The following CDH12 variants were observed in gnomAD, a reference collection of about 807,000 sequenced individuals.
CDH12 encodes cadherin-12.
In CDH12, 41 loss-of-function variants were observed where a neutral mutation model predicts 74.1. That is an observed-to-expected ratio of 0.55 (90% CI 0.43 to 0.72). The LOEUF (loss-of-function observed/expected upper bound fraction) is 0.72, where lower values mean the gene tolerates loss of function less well. Ranked by LOEUF, CDH12 falls within the 30% of genes least tolerant of loss-of-function variation. CDH12 has a pLI of 0.00. For missense variants in CDH12, 945 were observed against 977.2 expected, an observed-to-expected ratio of 0.97 and a Z score of 0.44; for synonymous variants, 399 against 355.0, an observed-to-expected ratio of 1.12 and a Z score of -1.39.
chr5:22,038,720 C>T (rs1361310558), intron 5 of CDH12, among the ~76,000 whole-genome samples: 2 of 152,084 alleles, frequency 1.3e-5, no homozygotes, highest in Non-Finnish European at 2.9e-5. Context: ...CAGTTGACAC[C>T]CAGAGAAGAC....
chr5:21,978,909 C>T (rs886708509), intron 5 of CDH12, among the ~76,000 whole-genome samples: 6 of 152,238 alleles, frequency 3.9e-5, no homozygotes, highest in African/African-American at 1.4e-4. Flanking sequence ...GATGAAACTG[C>T]TTTCTCAAAT....
intron 1 of CDH12, among the ~76,000 whole-genome samples, chr5:22,550,219 T>C (rs2134177): frequency 0.16 from 24,578 of 152,178 alleles, 2,555 homozygotes; most frequent in East Asian, 0.36. Context: ...GGTTCTTTGT[T>C]TTCTTCTCTA....
intron 1 of CDH12, among the ~76,000 whole-genome samples, chr5:22,718,730 C>A (rs1031963316): frequency 1.3e-5 from 2 of 152,018 alleles, no homozygotes; most frequent in African/African-American, 2.4e-5. Flanking sequence ...TAAAGGCCAG[C>A]GAGGCAGGCA....
At chr5:22,336,741 A>AG (rs1487262767) in intron 3 of CDH12, among the ~76,000 whole-genome samples, 1 of 152,236 alleles carries the variant, frequency 6.6e-6, no homozygotes, top group Admixed American at 6.5e-5. Flanking sequence ...AGTTTGCTGC[A>AG]GGGGTGGGGC....
intron 1 of CDH12, among the ~76,000 whole-genome samples, chr5:22,743,053 T>C (rs1745107622): frequency 6.6e-6 from 1 of 151,358 alleles, no homozygotes; most frequent in East Asian, 1.9e-4. Context: ...TTCCTCCTGC[T>C]CAACTGTATC....
chr5:22,219,879 C>T (rs1210501944), intron 3 of CDH12, among the ~76,000 whole-genome samples: 4 of 151,666 alleles, frequency 2.6e-5, no homozygotes, highest in East Asian at 1.9e-4. Context: ...AGTAGATACA[C>T]ACTAAGAAGA....
chr5:22,418,413 C>G (rs1743492237), intron 2 of CDH12, among the ~76,000 whole-genome samples: 1 of 152,180 alleles, frequency 6.6e-6, no homozygotes, highest in Non-Finnish European at 1.5e-5. Context: ...TTGACTTCCT[C>G]TCTTCCTATT....
At chr5:22,700,327 C>G (rs1204567086) in intron 1 of CDH12, among the ~76,000 whole-genome samples, 1 of 152,104 alleles carries the variant, frequency 6.6e-6, no homozygotes, top group Non-Finnish European at 1.5e-5. Flanking sequence ...TGCAGGTTGC[C>G]CACTGAACAT....
At chr5:22,747,371 C>G (rs2012198) in intron 1 of CDH12, among the ~76,000 whole-genome samples, 1 of 150,800 alleles carries the variant, frequency 6.6e-6, no homozygotes, top group African/African-American at 2.4e-5. Flanking sequence ...CACCTGTAAT[C>G]TGAGCAGTTT....
At chr5:22,306,220 A>C (rs1738104735) in intron 3 of CDH12, among the ~76,000 whole-genome samples, 1 of 152,236 alleles carries the variant, frequency 6.6e-6, no homozygotes, top group Admixed American at 6.5e-5. Flanking sequence ...CAAAAGCCTC[A>C]GCACATGGCC....
chr5:21,756,065 A>G (rs1491000850), intron 13 of CDH12, among the ~76,000 whole-genome samples: 1 of 152,190 alleles, frequency 6.6e-6, no homozygotes, highest in African/African-American at 2.4e-5. Flanking sequence ...TAAATTTTCT[A>G]TTCAGAAAGA....
At chr5:22,630,311 C>A (rs1738517747) in intron 1 of CDH12, among the ~76,000 whole-genome samples, 1 of 151,988 alleles carries the variant, frequency 6.6e-6, no homozygotes, top group African/African-American at 2.4e-5. Context: ...CCAAAGCAAT[C>A]CTAAGTAAAA....
chr5:22,150,226 G>C (rs948207175), intron 4 of CDH12, among the ~76,000 whole-genome samples: 4 of 151,638 alleles, frequency 2.6e-5, no homozygotes, highest in Admixed American at 2.0e-4. Context: ...TGTCTTCCTT[G>C]TCTGCTAACA....
At chr5:22,567,462 G>C (rs770903639) in intron 1 of CDH12, among the ~76,000 whole-genome samples, 1 of 152,166 alleles carries the variant, frequency 6.6e-6, no homozygotes, top group African/African-American at 2.4e-5. Flanking sequence ...TTATTACATT[G>C]AATCAGTACT....
intron 6 of CDH12, among the ~76,000 whole-genome samples, chr5:21,943,380 C>T (rs1418911639): frequency 6.6e-6 from 1 of 152,046 alleles, no homozygotes; most frequent in Non-Finnish European, 1.5e-5. Flanking sequence ...TTTTATGCAA[C>T]CAATTACATA....
At chr5:22,793,070 C>G (rs1707081) in intron 1 of CDH12, among the ~76,000 whole-genome samples, 4,023 of 152,188 alleles carry the variant, frequency 0.026, 183 homozygotes, top group African/African-American at 0.092. Flanking sequence ...CTTCTTCAAT[C>G]TAGTTACTAT....
At chr5:22,837,313 C>T (rs1047982904) in intron 1 of CDH12, among the ~76,000 whole-genome samples, 1 of 151,976 alleles carries the variant, frequency 6.6e-6, no homozygotes, top group African/African-American at 2.4e-5. Context: ...AAGGCTGAGG[C>T]AGGAGGATTG....
chr5:22,469,588 G>A (rs1300024779), intron 2 of CDH12, among the ~76,000 whole-genome samples: 4 of 152,060 alleles, frequency 2.6e-5, no homozygotes, highest in Non-Finnish European at 5.9e-5. Context: ...TTCCAAATAA[G>A]GTGGCATTCT....
intron 6 of CDH12, among the ~76,000 whole-genome samples, chr5:21,964,247 C>A (rs1294106411): frequency 6.6e-6 from 1 of 152,062 alleles, no homozygotes; most frequent in Non-Finnish European, 1.5e-5. Flanking sequence ...TATTTAAACT[C>A]ATCTAGGGTT....
Sources: allele counts gnomAD v4.1 joint callset (sites outside exome capture counted in the v4.1 genomes callset), GRCh38; gene constraint gnomAD v4.1.1; transcripts MANE v1.5; gene names NCBI Gene and HGNC (gene_info 2026-07-23, HGNC 2026-07-21).